The following RPP40 variants were observed in gnomAD, a reference collection of about 807,000 sequenced individuals.
RPP40 encodes ribonuclease P/MRP subunit p40.
A neutral mutation model predicts 42.5 loss-of-function variants in RPP40; 30 were observed. The observed-to-expected ratio is 0.71, with a 90% CI of 0.53 to 0.96. RPP40 has a LOEUF of 0.96. Ranked by LOEUF, RPP40 falls within the 40% of genes least tolerant of loss-of-function variation. The pLI, the probability that RPP40 is intolerant of heterozygous loss-of-function variation, is 0.00. For missense variants in RPP40, 426 were observed against 433.5 expected (o/e 0.98, Z 0.15); for synonymous variants, 173 against 164.0 (o/e 1.05, Z -0.42).
In RPP40 at chr6:4,995,976, T is replaced by C. The variant is rs867378507; in HGVS notation, c.868A>G (p.Ile290Val). ...CAGAGATGTTCCAATAGGAGACAGA[T>C]CTTCTCTGGAAGTATGAAGCCAGTG... ...TITGFILPEK[I>V]CLLLEHLCHY... Residue 290 changes from isoleucine to valine, a missense_variant, in exon 7 of 8, where the codon ATC becomes GTC. Ile to Val is a conservative substitution (Grantham distance 29). Transcript: ENST00000380051. The C allele has an allele frequency of 1.2e-6, 2 of 1,614,104 alleles. No homozygotes were observed. Among genetic ancestry groups the C allele is most frequent in the Non-Finnish European group, 1.7e-6 (2 of 1,179,964 alleles).
chr6:4,993,420 T>C (rs1759288348), downstream of RPP40, among the ~76,000 whole-genome samples: 1 of 152,240 alleles, frequency 6.6e-6, no homozygotes, highest in African/African-American at 2.4e-5. Flanking sequence ...CCCTCCTTAT[T>C]TCTGTAAGCA....
downstream of RPP40, among the ~76,000 whole-genome samples, chr6:4,991,343 C>A (rs2477486): frequency 0.3 from 45,216 of 151,866 alleles, 7,260 homozygotes; most frequent in African/African-American, 0.43. Flanking sequence ...TGTGTACTTG[C>A]GAAAAACTCT....
chr6:4,991,201 C>T (rs1016085401), downstream of RPP40, among the ~76,000 whole-genome samples: 1 of 152,038 alleles, frequency 6.6e-6, no homozygotes, highest in African/African-American at 2.4e-5. Context: ...GAGTTTTTCT[C>T]TTTTCTAGTT....
chr6:4,991,784 C>G (rs1188695470), downstream of RPP40, among the ~76,000 whole-genome samples: 4 of 152,170 alleles, frequency 2.6e-5, no homozygotes, highest in Non-Finnish European at 5.9e-5. Context: ...AATCTCATGT[C>G]AAATTGTAAT....
In RPP40 at chr6:4,999,854, G is replaced by C. The variant is rs1362775248; in HGVS notation, c.388C>G (p.Gln130Glu). 2 of 1,609,704 alleles carry C rather than the reference G, an allele frequency of 1.2e-6. No individual in the cohort carries two copies. The highest frequency in any genetic ancestry group is 8.5e-7 in the Non-Finnish European group (1 of 1,176,536). Residue 130 changes from glutamine (Q) to glutamate (E), a missense_variant, in exon 4 of 8, where the codon CAG (glutamine) becomes GAG (glutamate). Physicochemically the swap from Gln to Glu is conservative, Grantham distance 29 (BLOSUM62 2). Coordinates refer to ENST00000380051, the MANE Select transcript of RPP40 (RefSeq NM_006638.4). ...CCAGAAAACTGAGATGGATGACCCT[G>C]AAGTCCAGTTTCTTCATAAGTGTCT... ...DKDTYEETGL[Q>E]GHPSQFSGRK...
chr6:5,000,827 C>G (rs1381802915), intron 2 of RPP40, among the ~76,000 whole-genome samples, 196 bp from the exon 3 acceptor site: 1 of 151,686 alleles, frequency 6.6e-6, no homozygotes, highest in Non-Finnish European at 1.5e-5. Context: ...TGCAGAAGAC[C>G]AAGCATGCAG....
At chr6:4,998,947 G>T in intron 4 of RPP40, 106 bp from the exon 5 acceptor site, 2 of 715,474 alleles carry the variant, frequency 2.8e-6, no homozygotes, top group South Asian at 6.1e-5. Flanking sequence ...AAATTTTATG[G>T]ATAGTAAAAT....
At chr6:4,991,974 T>G (rs575032793), downstream of RPP40, among the ~76,000 whole-genome samples, 1 of 152,258 alleles carries the variant, frequency 6.6e-6, no homozygotes, top group East Asian at 1.9e-4. Flanking sequence ...CCGCCATGAT[T>G]GAGTTTTCCT....
At chr6:4,996,530 T>A in intron 5 of RPP40, 110 bp from the exon 6 acceptor site, 7 of 960,344 alleles carry the variant, frequency 7.3e-6, no homozygotes, top group Non-Finnish European at 1.1e-5. Flanking sequence ...TTGAGTAAGA[T>A]GGAAGCTGTG....
At chr6:4,988,518 T>C in the RPP40 span, among the ~76,000 whole-genome samples, 1 of 152,128 alleles carries the variant, frequency 6.6e-6, no homozygotes, top group East Asian at 1.9e-4. Context: ...CAACCACTAA[T>C]CTGGTCTCCA....
chr6:5,001,983 C>A (rs1759573746), intron 2 of RPP40, 118 bp downstream of exon 2: 11 of 844,886 alleles, frequency 1.3e-5, no homozygotes, highest in Non-Finnish European at 2.0e-5. Flanking sequence ...GTGCACCTGA[C>A]CACACAGACT....
Position 4,996,248 on chromosome 6 carries a change from G to A in RPP40, c.732C>T (p.Leu244=), listed in dbSNP as rs756138664. The stretch of plus-strand genomic sequence containing the variant: ...GGTCGACATTACTGAAGACGGCGCC[G>A]AGCCAGTCGAAGAGCTCCAGAGCCC... The part of the protein sequence containing the change: ...SCRALELFDW[L]GAVFSNVDLN... Residue 244 remains leucine (L), a synonymous_variant, in exon 6 of 8, where the codon CTC becomes CTT. Transcript: ENST00000380051. 5.1e-5 allele frequency: 83 copies of A among 1,613,806 alleles called. No homozygotes were observed. The South Asian group carries it at 6.5e-4, about 13-fold the overall frequency.
Position 4,994,995 on chromosome 6 carries a change from G to A in RPP40, c.*83C>T. 1 of 1,192,812 alleles carries A rather than the reference G, an allele frequency of 8.4e-7. No individual in the cohort carries two copies. The highest frequency in any genetic ancestry group is 1.4e-5 in the South Asian group (1 of 70,804). 73.9% of individuals were successfully genotyped at this position (1,192,812 alleles called of 1,614,324 possible). A position where few individuals can be genotyped will look rare whatever the true frequency, so the allele number is the denominator to read the frequency against. On this transcript the variant is annotated 3_prime_UTR_variant, in exon 8 of 8. Coordinates refer to ENST00000380051, the MANE Select transcript of RPP40 (RefSeq NM_006638.4). ...AGAAATGTCACCATCACACAAGCCT[G>A]AGTGGACACACAGACCTTTTACCAT... is the stretch of plus-strand genomic sequence containing the variant.
chr6:4,994,761 C>A lies in RPP40; in HGVS notation c.*317G>T. On this transcript the variant is annotated 3_prime_UTR_variant, in exon 8 of 8. Coordinates refer to ENST00000380051, the MANE Select transcript of RPP40 (RefSeq NM_006638.4). The stretch of plus-strand genomic sequence containing the variant: ...TATTATCTGAAAAAGTTGTAATGAA[C>A]AAAATATATCTCAACCAATGGAGTG... 7.4e-6 allele frequency: 2 copies of A among 270,674 alleles called. No individual in the cohort carries two copies. Among genetic ancestry groups the A allele is most frequent in the Non-Finnish European group, 7.0e-6 (1 of 143,320 alleles). The allele number at this position is 270,674 out of a possible 1,614,324, so 16.8% of individuals were successfully genotyped here.
At position 5,003,811 on chromosome 6, in the gene RPP40, C is replaced by A. The variant is rs1217167468; in HGVS notation, c.123+69G>T. 3.9e-6 allele frequency: 6 copies of A among 1,536,106 alleles called. No homozygotes were observed. The East Asian group carries it at 1.4e-4, about 37-fold the overall frequency. ...CGGCCCCGCCCCGCGAAGCCTAGCA[C>A]TCTCCCCAAACCTCTCTCGCACGCG... On this transcript the variant is annotated intron_variant, in intron 1 of 7. Coordinates refer to ENST00000380051, the MANE Select transcript of RPP40 (RefSeq NM_006638.4).
chr6:4,988,481 C>G, the RPP40 span, among the ~76,000 whole-genome samples: 3 of 152,264 alleles, frequency 2.0e-5, no homozygotes, highest in African/African-American at 7.2e-5. Flanking sequence ...CTGACCCCTC[C>G]CCACCCCCAA....
downstream of RPP40, among the ~76,000 whole-genome samples, chr6:4,990,874 T>C (rs923859760): frequency 6.6e-6 from 1 of 152,140 alleles, no homozygotes; most frequent in Non-Finnish European, 1.5e-5. Context: ...GGGTGAGCTT[T>C]GGTAATTTGT....
rs912836459 is a variant in RPP40 at position 5,001,108 on chromosome 6, G to A, written c.269-477C>T. On this transcript the variant is annotated intron_variant, in intron 2 of 7. Coordinates refer to ENST00000380051, the MANE Select transcript of RPP40 (RefSeq NM_006638.4). ...CGGAACGTGACCTTTGGGGATGCGC[G>A]GAGAGGGGTCCAAAGTAGAATTCTA... 4 of 456,764 alleles carry A rather than the reference G, an allele frequency of 8.8e-6. No individual in the cohort carries two copies. In the East Asian group the frequency reaches 2.1e-4, roughly 24 times the overall value. 28.3% of individuals were successfully genotyped at this position (456,764 alleles called of 1,614,324 possible).
the RPP40 span, among the ~76,000 whole-genome samples, chr6:4,989,540 C>T: frequency 0.02 from 3,036 of 152,186 alleles, 98 homozygotes; most frequent in African/African-American, 0.068. Flanking sequence ...TATGACATGA[C>T]ATCTTCACAA....
Sources: gnomAD v4.1 joint callset for allele counts (sites outside exome capture counted in the v4.1 genomes callset) on GRCh38, gnomAD v4.1.1 for gene constraint, MANE v1.5 for transcripts, NCBI Gene and HGNC (gene_info 2026-07-23, HGNC 2026-07-21) for gene names.